Variants in MTA3 observed in about 807,000 individuals in gnomAD.
MTA3 encodes metastasis-associated protein MTA3.
In MTA3, 34 loss-of-function variants were observed where a neutral mutation model predicts 83.5. The ratio of observed to expected loss-of-function variants is 0.41; its 90% CI spans 0.31 to 0.54. The LOEUF (loss-of-function observed/expected upper bound fraction) is 0.54, where lower values mean the gene tolerates loss of function less well. Ranked by LOEUF, MTA3 falls within the 20% of genes least tolerant of loss-of-function variation. The pLI, the probability that MTA3 is intolerant of heterozygous loss-of-function variation, is 0.33. For synonymous variants in MTA3, 303 were observed against 252.7 expected (o/e 1.20, Z -1.89); for missense variants, 761 against 726.4 (o/e 1.05, Z -0.55).
At chr2:42,594,716 A>G (rs1223260865) in intron 3 of MTA3, among the ~76,000 whole-genome samples, 2 of 38,834 alleles carry the variant, frequency 5.2e-5, no homozygotes, top group Non-Finnish European at 8.1e-5. Flanking sequence ...ATATATATAT[A>G]TATATATATA....
chr2:42,641,066 C>CT (rs1687649476), intron 5 of MTA3, among the ~76,000 whole-genome samples: 1 of 152,076 alleles, frequency 6.6e-6, no homozygotes, highest in East Asian at 1.9e-4. Flanking sequence ...GCCACCATAC[C>CT]CGGCTAATTT....
At chr2:42,588,899 G>A (rs1420752319) in intron 3 of MTA3, among the ~76,000 whole-genome samples, 4 of 152,014 alleles carry the variant, frequency 2.6e-5, no homozygotes, top group Non-Finnish European at 5.9e-5. Flanking sequence ...AATTGCTGGG[G>A]CTGGCTAGGC....
upstream of MTA3, among the ~76,000 whole-genome samples, chr2:42,565,621 C>G (rs528015304): frequency 6.6e-6 from 1 of 152,308 alleles, no homozygotes; most frequent in East Asian, 1.9e-4. Context: ...CTGAGAGACA[C>G]TTCTTCCTTA....
At chr2:42,652,976 G>A (rs930215853) in intron 6 of MTA3, among the ~76,000 whole-genome samples, 1 of 152,168 alleles carries the variant, frequency 6.6e-6, no homozygotes, top group African/African-American at 2.4e-5. Context: ...AATTGCCTAG[G>A]AAAGGGCCTT....
intron 8 of MTA3, among the ~76,000 whole-genome samples, chr2:42,680,485 A>G (rs1691777508): frequency 6.6e-6 from 1 of 152,240 alleles, no homozygotes; most frequent in Admixed American, 6.5e-5. Flanking sequence ...AAAAGGTGCA[A>G]GACTTTAAGT....
intron 16 of MTA3, among the ~76,000 whole-genome samples, chr2:42,743,575 G>C (rs1669192522): frequency 6.6e-6 from 1 of 152,118 alleles, no homozygotes; most frequent in Non-Finnish European, 1.5e-5. Context: ...AGTACACTGT[G>C]GATCTGTTTA....
chr2:42,644,840 G>A (rs181823439), intron 6 of MTA3, among the ~76,000 whole-genome samples: 2 of 152,270 alleles, frequency 1.3e-5, no homozygotes, highest in African/African-American at 4.8e-5. Context: ...AATGCTGTGT[G>A]TTCTGAGTGC....
intron 2 of MTA3, among the ~76,000 whole-genome samples, chr2:42,556,092 CA>C (rs112915635): frequency 0.036 from 4,878 of 134,578 alleles, 259 homozygotes; most frequent in African/African-American, 0.12. Flanking sequence ...AGCAAACAAA[CA>C]AAAAAAAAAA....
intron 8 of MTA3, among the ~76,000 whole-genome samples, chr2:42,675,897 G>T (rs541968439): frequency 6.6e-6 from 1 of 152,292 alleles, no homozygotes; most frequent in African/African-American, 2.4e-5. Context: ...TCAGAAAGAT[G>T]GGGTTTATAT....
intron 2 of MTA3, among the ~76,000 whole-genome samples, chr2:42,531,445 CTTTTTTTTTTTTTTTT>C (rs10659582): frequency 1.3e-5 from 1 of 75,344 alleles, no homozygotes; most frequent in Non-Finnish European, 2.3e-5. Flanking sequence ...GAAGCAAACT[CTTTTTTTTTTTTTTTT>C]TTTTTTTTTG....
chr2:42,653,808 C>G (rs886884974), intron 6 of MTA3, among the ~76,000 whole-genome samples: 2 of 152,144 alleles, frequency 1.3e-5, no homozygotes, highest in Non-Finnish European at 2.9e-5. Context: ...TGTAGTCTTA[C>G]GTTCAGGAGT....
chr2:42,653,018 C>T (rs868270246), intron 6 of MTA3, among the ~76,000 whole-genome samples: 1 of 152,150 alleles, frequency 6.6e-6, no homozygotes, highest in African/African-American at 2.4e-5. Flanking sequence ...AGTATTTGAA[C>T]AACACTGTGC....
chr2:42,696,616 T>C (rs937111288), intron 10 of MTA3, among the ~76,000 whole-genome samples: 4 of 152,184 alleles, frequency 2.6e-5, no homozygotes, highest in Non-Finnish European at 5.9e-5. Context: ...TTTTAAAGTA[T>C]CATAGTGAGC....
chr2:42,689,640 A>G (rs917112534), intron 9 of MTA3, among the ~76,000 whole-genome samples: 10 of 151,942 alleles, frequency 6.6e-5, no homozygotes, highest in African/African-American at 1.7e-4. Flanking sequence ...CTTTTATCTT[A>G]AGTTGTCTAG....
chr2:42,540,179 T>TG (rs1249143233), intron 2 of MTA3, among the ~76,000 whole-genome samples: 6 of 150,040 alleles, frequency 4.0e-5, no homozygotes, highest in Non-Finnish European at 5.9e-5. Context: ...GATTTTTTTT[T>TG]TTTTTTTTTT....
chr2:42,657,219 G>T (rs954498608), intron 7 of MTA3, among the ~76,000 whole-genome samples: 1 of 152,152 alleles, frequency 6.6e-6, no homozygotes, highest in Non-Finnish European at 1.5e-5. Context: ...GTCTGATTTT[G>T]TGTTGAACTT....
At chr2:42,528,282 G>T (rs1003086748) in intron 2 of MTA3, among the ~76,000 whole-genome samples, 1 of 145,472 alleles carries the variant, frequency 6.9e-6, no homozygotes, top group Non-Finnish European at 1.5e-5. Flanking sequence ...GTGCGGTGGC[G>T]TGATCTCGGC....
intron 2 of MTA3, among the ~76,000 whole-genome samples, chr2:42,524,472 G>GTTTTTTTTTTTTTT (rs58288129): frequency 3.3e-3 from 234 of 70,636 alleles, no homozygotes; most frequent in Non-Finnish European, 3.9e-3. Flanking sequence ...GGCTAGTTGT[G>GTTTTTTTTTTTTTT]TTTTTTTTTT....
intron 4 of MTA3, among the ~76,000 whole-genome samples, chr2:42,612,095 A>G (rs1558499132): frequency 6.6e-6 from 1 of 152,226 alleles, no homozygotes. Flanking sequence ...TTATCGACCA[A>G]TAATGCTTTT....
Sources: allele counts gnomAD v4.1 joint callset (sites outside exome capture counted in the v4.1 genomes callset), GRCh38; gene constraint gnomAD v4.1.1; transcripts MANE v1.5; gene names NCBI Gene and HGNC (gene_info 2026-07-23, HGNC 2026-07-21).